The following BAG5 variants were observed in gnomAD, a reference collection of about 807,000 sequenced individuals.
BAG5 encodes the protein BAG cochaperone 5.
A neutral mutation model predicts 31.8 loss-of-function variants in BAG5; 25 were observed. The ratio of observed to expected loss-of-function variants is 0.79; its 90% CI spans 0.57 to 1.10. BAG5 has a LOEUF of 1.10. Among genes scored for constraint, BAG5 ranks in the 50% least tolerant of loss-of-function variants. BAG5 has a pLI of 0.00. For synonymous variants in BAG5, 208 were observed against 205.0 expected, an observed-to-expected ratio of 1.01 and a Z score of -0.13; for missense variants, 491 against 527.9, an observed-to-expected ratio of 0.93 and a Z score of 0.68.
rs980514144 is a variant in BAG5 at position 103,559,613 on chromosome 14, T to C, written c.*208A>G. 1.1e-5 allele frequency: 7 copies of C among 624,730 alleles called. No homozygotes were observed. In the African/African-American group the frequency reaches 1.3e-4, roughly 11 times the overall value. 38.7% of individuals were successfully genotyped at this position (624,730 alleles called of 1,614,324 possible). ...AAACCAAACAAACCACACCACATCA[T>C]ACAGATAATGATCCGAATGGAAAAG... On this transcript the variant is annotated 3_prime_UTR_variant, in exon 2 of 2. Transcript: ENST00000299204.
In BAG5 at chr14:103,561,210, T is replaced by C. The variant is rs1473396185; in HGVS notation, c.-28-18A>G. 4 of 1,573,298 alleles carry C rather than the reference T, an allele frequency of 2.5e-6. No individual in the cohort carries two copies. In the Admixed American group the frequency reaches 7.4e-5, roughly 29 times the overall value. ...CACAAGCACTAAAAGACGACAAGAATGATAACTTACTACAGCACAAGGCTT... is the reference window on the plus strand; with the variant it reads ...CACAAGCACTAAAAGACGACAAGAACGATAACTTACTACAGCACAAGGCTT... On this transcript the variant is annotated intron_variant, in intron 1 of 1. Coordinates refer to ENST00000299204, the MANE Select transcript of BAG5 (RefSeq NM_001015048.3).
Position 103,557,686 on chromosome 14 carries a change from G to C in BAG5, c.*2135C>G, listed in dbSNP as rs1337015458. On this transcript the variant is annotated 3_prime_UTR_variant, in exon 2 of 2. Transcript: ENST00000299204. ...GATTTCCCAGTGGTATAATTAAACA[G>C]AGCTCTAATTTAAAAACTCTTCCTG... is the stretch of plus-strand genomic sequence containing the variant. 6.6e-6 allele frequency: 1 copy of C among 152,156 alleles called. No individual in the cohort carries two copies. The highest frequency in any genetic ancestry group is 1.5e-5 in the Non-Finnish European group (1 of 68,032). The allele number at this position is 152,156 out of a possible 1,614,324, so 9.4% of individuals were successfully genotyped here. A position where few individuals can be genotyped will look rare whatever the true frequency, so the allele number is the denominator to read the frequency against.
At chr14:103,561,250 T>A in intron 1 of BAG5, 58 bp from the exon 2 acceptor site, 3 of 1,480,608 alleles carry the variant, frequency 2.0e-6, no homozygotes, top group Non-Finnish European at 2.7e-6. Flanking sequence ...AGAACACTAA[T>A]GGTATATTAA....
chr14:103,562,057 A>G, intron 1 of BAG5: 1 of 1,242,408 alleles, frequency 8.0e-7, no homozygotes, highest in Non-Finnish European at 1.2e-6. Context: ...AGGCGGCCCG[A>G]GCTGCTTCCT....
At chr14:103,562,093 C>G in intron 1 of BAG5, 1 of 904,610 alleles carries the variant, frequency 1.1e-6, no homozygotes, top group Non-Finnish European at 1.8e-6. Flanking sequence ...CCCTCTTGGC[C>G]CTTTACCCAA....
rs751959216 is a variant in BAG5 at position 103,556,814 on chromosome 14, C to A, written c.*3007G>T. 2 of 151,912 alleles carry A rather than the reference C, an allele frequency of 1.3e-5. No homozygotes were observed. Among genetic ancestry groups the A allele is most frequent in the East Asian group, 3.9e-4 (2 of 5,166 alleles). The allele number at this position is 151,912 out of a possible 1,614,324, so 9.4% of individuals were successfully genotyped here. A position where few individuals can be genotyped will look rare whatever the true frequency, so the allele number is the denominator to read the frequency against. Reference sequence around the variant, plus strand: ...TGTGCTCAAAAAAAAAATAAAAAAACCCAAAACCTTGCATGCACAAGCTAA... The same window carrying A: ...TGTGCTCAAAAAAAAAATAAAAAAAACCAAAACCTTGCATGCACAAGCTAA... On this transcript the variant is annotated 3_prime_UTR_variant, in exon 2 of 2. Transcript: ENST00000299204.
rs1199540623 is a variant in BAG5 at position 103,559,636 on chromosome 14, A to G, written c.*185T>C. On this transcript the variant is annotated 3_prime_UTR_variant, in exon 2 of 2. Transcript: ENST00000299204. ...CATACAGATAATGATCCGAATGGAA[A>G]AGTTAACGTGCTGTAATGATATTTG... 1.5e-6 allele frequency: 1 copy of G among 689,570 alleles called. No homozygotes were observed. The highest frequency in any genetic ancestry group is 1.8e-5 in the African/African-American group (1 of 55,610). The allele number at this position is 689,570 out of a possible 1,614,324, so 42.7% of individuals were successfully genotyped here. A position where few individuals can be genotyped will look rare whatever the true frequency, so the allele number is the denominator to read the frequency against.
Position 103,561,198 on chromosome 14 carries a change from AGAC to A in BAG5, c.-28-9_-28-7del, listed in dbSNP as rs768630348. The A allele has an allele frequency of 1.8e-5, 28 of 1,581,472 alleles. No individual in the cohort carries two copies. Among genetic ancestry groups the A allele is most frequent in the Non-Finnish European group, 2.4e-5 (28 of 1,172,334 alleles). ...TGTGTTCAGTTTCACAAGCACTAAA[AGAC>A]GACAAGAATGATAACTTACTACAGC... On this transcript the variant is annotated splice_polypyrimidine_tract_variant and splice_region_variant and intron_variant, in intron 1 of 1. Coordinates refer to ENST00000299204, the MANE Select transcript of BAG5 (RefSeq NM_001015048.3).
rs180786347 is a variant in BAG5 at position 103,562,256 on chromosome 14, G to A, written c.-29+360C>T. 114 of 499,220 alleles carry A rather than the reference G, an allele frequency of 2.3e-4. 2 individuals are homozygous for A. The East Asian group carries it at 3.4e-3, about 15-fold the overall frequency. The allele number at this position is 499,220 out of a possible 1,614,324, so 30.9% of individuals were successfully genotyped here. A position where few individuals can be genotyped will look rare whatever the true frequency, so the allele number is the denominator to read the frequency against. ...GGTCTGAGCGGGGCAGCCGGTGAAGGGGCCGCTACTGGCTGCAGCAGCCGC... is the reference window on the plus strand; with the variant it reads ...GGTCTGAGCGGGGCAGCCGGTGAAGAGGCCGCTACTGGCTGCAGCAGCCGC... On this transcript the variant is annotated intron_variant, in intron 1 of 1. Coordinates refer to ENST00000299204, the MANE Select transcript of BAG5 (RefSeq NM_001015048.3).
Position 103,561,048 on chromosome 14 carries a change from G to T in BAG5, c.117C>A (p.Tyr39Ter), listed in dbSNP as rs1406227241. ...TTGTTAGAATCCTCTCCAGTTTCTT[G>T]TAATTCTTGTCATCTGACAGACCAC... ...GFSGLSDDKN[Y>*]KKLERILTKQ... is the part of the protein sequence containing the mutation. The change falls in exon 2 of 2, where the codon TAC becomes TAA. Residue 39 changes from tyrosine (Y) to a stop codon, truncating the protein, a stop_gained. Transcript: ENST00000299204. LOFTEE classifies it high-confidence loss of function. 1 of 1,613,166 alleles carries T rather than the reference G, an allele frequency of 6.2e-7. No homozygotes were observed. Among genetic ancestry groups the T allele is most frequent in the African/African-American group, 1.3e-5 (1 of 75,042 alleles).
At chr14:103,561,918 A>C in intron 1 of BAG5, 1 of 1,608,276 alleles carries the variant, frequency 6.2e-7, no homozygotes, top group Non-Finnish European at 8.5e-7. Context: ...CTCGCCTCCC[A>C]CTGGGAGTCC....
In BAG5 at chr14:103,562,654, C is replaced by A. The variant is rs922295933; in HGVS notation, c.-67G>T. On this transcript the variant is annotated 5_prime_UTR_variant, in exon 1 of 2. Transcript: ENST00000299204. The stretch of plus-strand genomic sequence containing the variant: ...GCCATCGCGCGATGCGTCGCCGACG[C>A]TTCCACGACTTCCGCAGCTCCGGCA... 1 of 214,922 alleles carries A rather than the reference C, an allele frequency of 4.7e-6. No individual in the cohort carries two copies. Among genetic ancestry groups the A allele is most frequent in the Non-Finnish European group, 9.1e-6 (1 of 109,988 alleles). 13.3% of individuals were successfully genotyped at this position (214,922 alleles called of 1,614,324 possible). A position where few individuals can be genotyped will look rare whatever the true frequency, so the allele number is the denominator to read the frequency against.
At position 103,560,711 on chromosome 14, in the gene BAG5, T is replaced by A; in HGVS notation, c.454A>T (p.Thr152Ser). 1 of 1,614,148 alleles carries A rather than the reference T, an allele frequency of 6.2e-7. No individual in the cohort carries two copies. Among genetic ancestry groups the A allele is most frequent in the Non-Finnish European group, 8.5e-7 (1 of 1,180,034 alleles). The change falls in exon 2 of 2, where the codon ACT becomes TCT. Residue 152 changes from threonine to serine, a missense_variant. By Grantham distance (58) the Thr-to-Ser change is moderately conservative (BLOSUM62 1). Transcript: ENST00000299204. ...TGCACCGCACAGATTTTGGTTAAAGTGTGATACCTTGCTTTCCGCAAGGAG... is the reference window on the plus strand; with the variant it reads ...TGCACCGCACAGATTTTGGTTAAAGAGTGATACCTTGCTTTCCGCAAGGAG... ...KISLRKARYH[T>S]LTKICAVQEI... is the part of the protein sequence containing the mutation.
In BAG5 at chr14:103,560,904, G is replaced by A. The variant is rs779368590; in HGVS notation, c.261C>T (p.Asn87=). ...RLLKELEQNA[N]HPHRIEIQNI... is the part of the protein sequence containing the mutation. The stretch of plus-strand genomic sequence containing the variant: ...TCTGTATTTCAATCCGGTGTGGGTG[G>A]TTTGCATTCTGCTCCAACTCTTTGA... The change falls in exon 2 of 2, where the codon AAC becomes AAT. Residue 87 remains asparagine (N), a synonymous_variant. Transcript: ENST00000299204. The A allele has an allele frequency of 1.2e-6, 2 of 1,614,100 alleles. No individual in the cohort carries two copies. The highest frequency in any genetic ancestry group is 4.5e-5 in the East Asian group (2 of 44,888).
In BAG5 at chr14:103,560,947, T is replaced by C. The variant is rs770419471; in HGVS notation, c.218A>G (p.Gln73Arg). The part of the protein sequence containing the change: ...DIQQARKRAA[Q>R]ETERLLKELE... ...CTCTTTGAGAAGACGTTCTGTCTCCTGTGCTGCCCGCTTCCTAGCTTGCTG... is the reference window on the plus strand; with the variant it reads ...CTCTTTGAGAAGACGTTCTGTCTCCCGTGCTGCCCGCTTCCTAGCTTGCTG... The change falls in exon 2 of 2, where the codon CAG becomes CGG. Residue 73 changes from glutamine to arginine, a missense_variant. Physicochemically the swap from Gln to Arg is conservative, Grantham distance 43. Transcript: ENST00000299204. 2.5e-6 allele frequency: 4 copies of C among 1,614,224 alleles called. No homozygotes were observed. Among genetic ancestry groups the C allele is most frequent in the South Asian group, 2.2e-5 (2 of 91,082 alleles).
Position 103,560,393 on chromosome 14 carries a change from AATCCAG to A in BAG5, c.766_771del (p.Asp257_Leu258del). The stretch of plus-strand genomic sequence containing the variant: ...TTAGTTGTGTCTGCTTCCTCTTCCA[AATCCAG>A]ATATTTCAATAATTTGTTGATATCT... On this transcript the variant is annotated inframe_deletion, in exon 2 of 2. Transcript: ENST00000299204. 6.2e-7 allele frequency: 1 copy of A among 1,614,164 alleles called. No homozygotes were observed. The highest frequency in any genetic ancestry group is 8.5e-7 in the Non-Finnish European group (1 of 1,180,030).
rs914648111 is a variant in BAG5, at chr14:103,559,628, G to T, written c.*193C>A. 1.1e-5 allele frequency: 7 copies of T among 664,442 alleles called. No individual in the cohort carries two copies. The highest frequency in any genetic ancestry group is 1.5e-5 in the Non-Finnish European group (6 of 410,656). 41.2% of individuals were successfully genotyped at this position (664,442 alleles called of 1,614,324 possible). Reference sequence around the variant, plus strand: ...CACCACATCATACAGATAATGATCCGAATGGAAAAGTTAACGTGCTGTAAT... The same window carrying T: ...CACCACATCATACAGATAATGATCCTAATGGAAAAGTTAACGTGCTGTAAT... On this transcript the variant is annotated 3_prime_UTR_variant, in exon 2 of 2. Transcript: ENST00000299204.
rs750625354 is a variant in BAG5 at position 103,556,628 on chromosome 14, T to C, written c.*3193A>G. The C allele has an allele frequency of 1.8e-4, 28 of 152,108 alleles. 1 individual carries two copies. The highest frequency in any genetic ancestry group is 1.2e-4 in the African/African-American group (5 of 41,398). The allele number at this position is 152,108 out of a possible 1,614,324, so 9.4% of individuals were successfully genotyped here. ...TTAACACATGTATCTCAAAGTAACA[T>C]TGAATTATTGAAGACATACTGTTCC... On this transcript the variant is annotated 3_prime_UTR_variant, in exon 2 of 2. Coordinates refer to ENST00000299204, the MANE Select transcript of BAG5 (RefSeq NM_001015048.3).
rs779351520 is a variant in BAG5 at position 103,559,877 on chromosome 14, G to A, written c.1288C>T (p.Leu430Phe). 5.8e-5 allele frequency: 93 copies of A among 1,614,030 alleles called. No individual in the cohort carries two copies. The highest frequency in any genetic ancestry group is 7.4e-5 in the Non-Finnish European group (87 of 1,180,040). The change falls in exon 2 of 2, where the codon CTT becomes TTT. Residue 430 changes from leucine (L) to phenylalanine (F), a missense_variant. By Grantham distance (22) the Leu-to-Phe change is conservative (BLOSUM62 0). Transcript: ENST00000299204. ...CKAARKQAVR[L>F]AQNILSYLDL... The stretch of plus-strand genomic sequence containing the variant: ...AGATAGCTGAGAATATTCTGCGCAA[G>A]CCTCACAGCTTGTTTCCTGGCAGCC...
Sources: gnomAD v4.1 joint callset for allele counts on GRCh38, gnomAD v4.1.1 for gene constraint, MANE v1.5 for transcripts, NCBI Gene and HGNC (gene_info 2026-07-23, HGNC 2026-07-21) for gene names.